Variants in RIMBP2 observed in about 807,000 individuals in gnomAD.
RIMBP2 encodes the protein RIMS-binding protein 2.
RIMBP2 carries 48 observed loss-of-function variants against 118.6 expected under a neutral mutation model. The ratio of observed to expected loss-of-function variants is 0.40; its 90% CI spans 0.32 to 0.51. The LOEUF (loss-of-function observed/expected upper bound fraction) is 0.51, where lower values mean the gene tolerates loss of function less well. RIMBP2 is among the 20% of genes least tolerant of loss of function. The pLI, the probability that RIMBP2 is intolerant of heterozygous loss-of-function variation, is 0.41. For missense variants in RIMBP2, 1,551 were observed against 1,768.3 expected, an observed-to-expected ratio of 0.88 and a Z score of 2.20; for synonymous variants, 762 against 742.9, an observed-to-expected ratio of 1.03 and a Z score of -0.42.
chr12:130,603,781 G>A (rs2060003050), intron 2 of RIMBP2, among the ~76,000 whole-genome samples: 1 of 152,196 alleles, frequency 6.6e-6, no homozygotes, highest in South Asian at 2.1e-4. Flanking sequence ...TGACACTGCT[G>A]TAAACAAACC....
chr12:130,582,712 C>T (rs1284319409), intron 2 of RIMBP2, among the ~76,000 whole-genome samples: 18 of 152,234 alleles, frequency 1.2e-4, no homozygotes, highest in Admixed American at 1.1e-3. Context: ...AAACCCAGGA[C>T]CTGCTGAATC....
intron 2 of RIMBP2, 50 bp from the exon 3 acceptor site, chr12:130,517,967 C>T (rs1566183129): frequency 3.8e-6 from 3 of 784,676 alleles, no homozygotes; most frequent in Non-Finnish European, 4.6e-6. Context: ...TGTTTAGAGA[C>T]TTGGTAGAGT....
At chr12:130,440,217 C>T (rs1427150337) in intron 11 of RIMBP2, among the ~76,000 whole-genome samples, 3 of 144,232 alleles carry the variant, frequency 2.1e-5, no homozygotes, top group Non-Finnish European at 3.0e-5. Flanking sequence ...CCTGCACCAC[C>T]GTCCCCGGGC....
chr12:130,669,605 G>A (rs542446139), intron 1 of RIMBP2, among the ~76,000 whole-genome samples: 59 of 152,204 alleles, frequency 3.9e-4, no homozygotes, highest in South Asian at 3.3e-3. Context: ...TTCACCTTCC[G>A]CCATGGTTGT....
At chr12:130,502,218 G>A (rs1008394415) in intron 4 of RIMBP2, among the ~76,000 whole-genome samples, 6 of 152,140 alleles carry the variant, frequency 3.9e-5, no homozygotes, top group Non-Finnish European at 4.4e-5. Context: ...AGTCCAGTCC[G>A]GTCAAGCTGA....
chr12:130,685,039 C>A (rs932851245), intron 1 of RIMBP2, among the ~76,000 whole-genome samples: 2 of 152,190 alleles, frequency 1.3e-5, no homozygotes, highest in African/African-American at 4.8e-5. Flanking sequence ...TTAAAACTTA[C>A]AAGATAAATC....
intron 1 of RIMBP2, among the ~76,000 whole-genome samples, chr12:130,650,489 C>T (rs1027534526): frequency 6.6e-6 from 1 of 152,258 alleles, no homozygotes; most frequent in Non-Finnish European, 1.5e-5. Context: ...GCAGGGAAGC[C>T]CTGCCATAGG....
intron 1 of RIMBP2, among the ~76,000 whole-genome samples, chr12:130,640,642 G>A (rs1385886911): frequency 2.6e-5 from 4 of 152,164 alleles, no homozygotes; most frequent in South Asian, 2.1e-4. Context: ...CGCTTGTTAC[G>A]AGGGAGACAC....
chr12:130,434,597 G>A lies in RIMBP2; in HGVS notation c.2253+137C>T. On this transcript the variant is annotated intron_variant, in intron 14 of 22. Coordinates refer to ENST00000690449, the MANE Select transcript of RIMBP2 (RefSeq NM_001393629.1). The surrounding 1 kb of genome is among the most constrained non-coding windows in gnomAD (Gnocchi z 5.7). Reference sequence around the variant, plus strand: ...ACTTCAGAAACCTAGCACGACTTAGGACCCCAGCTGGGCGTCTCCATCTCT... The same window carrying A: ...ACTTCAGAAACCTAGCACGACTTAGAACCCCAGCTGGGCGTCTCCATCTCT... 1.2e-6 allele frequency: 1 copy of A among 865,696 alleles called. No homozygotes were observed. Among genetic ancestry groups the A allele is most frequent in the Non-Finnish European group, 1.7e-6 (1 of 574,730 alleles). The allele number at this position is 865,696 out of a possible 1,614,324, so 53.6% of individuals were successfully genotyped here.
intron 1 of RIMBP2, among the ~76,000 whole-genome samples, chr12:130,656,816 G>T (rs1159378926): frequency 6.8e-6 from 1 of 147,814 alleles, no homozygotes; most frequent in Non-Finnish European, 1.5e-5. Flanking sequence ...GGCTGAGGTG[G>T]CAGGATGGTT....
intron 4 of RIMBP2, among the ~76,000 whole-genome samples, chr12:130,501,990 A>C (rs4759483): frequency 0.08 from 12,195 of 152,304 alleles, 644 homozygotes; most frequent in Admixed American, 0.18. Context: ...GGCCAACGGA[A>C]TTCGAGAAGT....
At chr12:130,531,733 C>G (rs1566207264) in intron 2 of RIMBP2, among the ~76,000 whole-genome samples, 8 of 152,196 alleles carry the variant, frequency 5.3e-5, no homozygotes, top group Admixed American at 3.9e-4. Context: ...CAAAGTTCAC[C>G]CATGTCATAG....
intron 1 of RIMBP2, among the ~76,000 whole-genome samples, chr12:130,671,379 A>G (rs11061072): frequency 0.31 from 47,323 of 152,004 alleles, 7,814 homozygotes; most frequent in Non-Finnish European, 0.39. Flanking sequence ...TCCCTCCATC[A>G]TCTCTACCAC....
intron 1 of RIMBP2, among the ~76,000 whole-genome samples, chr12:130,662,381 A>G (rs4998969): frequency 0.54 from 82,436 of 151,764 alleles, 22,994 homozygotes; most frequent in Non-Finnish European, 0.62. Flanking sequence ...CTGGAGGCGG[A>G]GCGCGGTGGC....
At chr12:130,533,749 C>A (rs1027158133) in intron 2 of RIMBP2, among the ~76,000 whole-genome samples, 2 of 152,168 alleles carry the variant, frequency 1.3e-5, no homozygotes, top group Non-Finnish European at 1.5e-5. Context: ...GAAATTATGT[C>A]TTTTACAGCA....
intron 1 of RIMBP2, among the ~76,000 whole-genome samples, chr12:130,706,569 G>A (rs2066131646): frequency 1.3e-5 from 2 of 152,270 alleles, no homozygotes; most frequent in African/African-American, 4.8e-5. Context: ...GCTCCCCATG[G>A]CAGCATGGCG....
intron 7 of RIMBP2, among the ~76,000 whole-genome samples, chr12:130,452,742 G>C (rs1227981675): frequency 6.6e-6 from 1 of 152,238 alleles, no homozygotes; most frequent in African/African-American, 2.4e-5. Context: ...AGCGTTCCGA[G>C]ACCTGGGGGG....
At position 130,450,319 on chromosome 12, in the gene RIMBP2, G is replaced by A. The variant is rs2078893200; in HGVS notation, c.505-43C>T. ...GGTGTGTGGGTTATTGAAGCTGGAG[G>A]TGTCCCACCCCATTCCCGCGGCACA... On this transcript the variant is annotated intron_variant, in intron 8 of 22. Coordinates refer to ENST00000690449, the MANE Select transcript of RIMBP2 (RefSeq NM_001393629.1). The surrounding 1 kb of genome is among the most constrained non-coding windows in gnomAD (Gnocchi z 4.8). The A allele has an allele frequency of 5.5e-6, 8 of 1,460,334 alleles. No individual in the cohort carries two copies. The highest frequency in any genetic ancestry group is 7.6e-6 in the Non-Finnish European group (8 of 1,051,312). 90.5% of individuals were successfully genotyped at this position (1,460,334 alleles called of 1,614,324 possible).
In RIMBP2 at chr12:130,436,966, C is replaced by T; in HGVS notation, c.1982G>A (p.Gly661Asp). The change falls in exon 13 of 23, where the codon GGC becomes GAC. Residue 661 changes from glycine to aspartate, a missense_variant. Physicochemically the swap from Gly to Asp is moderately conservative, Grantham distance 94 (BLOSUM62 -1). Around this residue, in one of 5 missense-constraint regions of RIMBP2, gnomAD observed 1,038 missense variants for 1,125.1 expected, o/e 0.92. Transcript: ENST00000690449. Reference sequence around the variant, plus strand: ...GGGTGAGGGCGACCGCCTTCCGGGGCCCACGGGCGGCTCCAGCATGTGCCC... The same window carrying T: ...GGGTGAGGGCGACCGCCTTCCGGGGTCCACGGGCGGCTCCAGCATGTGCCC... ...VHGHMLEPPVGPGRRSPSPSR... is the reference protein window; with the variant it reads ...VHGHMLEPPVDPGRRSPSPSR... 5.6e-6 allele frequency: 9 copies of T among 1,607,798 alleles called. No homozygotes were observed. The South Asian group carries it at 1.0e-4, about 18-fold the overall frequency.
Sources: gnomAD v4.1 joint callset for allele counts (sites outside exome capture counted in the v4.1 genomes callset) on GRCh38, gnomAD v4.1.1 for gene constraint, gnomAD v4.1.1 regional missense constraint, Gnocchi (gnomAD v3.1) non-coding constraint, MANE v1.5 for transcripts, NCBI Gene and HGNC (gene_info 2026-07-23, HGNC 2026-07-21) for gene names.